PDIA5: variants seen among roughly 807,000 people sequenced by gnomAD.
PDIA5 encodes protein disulfide-isomerase A5.
Under a neutral mutation model 77.6 loss-of-function variants are expected in PDIA5, and 58 were observed. The ratio of observed to expected loss-of-function variants is 0.75; its 90% CI spans 0.61 to 0.93. The LOEUF is 0.93. Among genes scored for constraint, PDIA5 ranks in the 40% least tolerant of loss-of-function variants. The probability of loss-of-function intolerance (pLI) is 0.00; values close to 1 mark genes in which losing one functional copy is unlikely to be tolerated. For synonymous variants in PDIA5, 250 were observed against 252.1 expected, an observed-to-expected ratio of 0.99 and a Z score of 0.08; for missense variants, 630 against 647.7, an observed-to-expected ratio of 0.97 and a Z score of 0.30.
chr3:123,141,505 C>T (rs1283176205), intron 11 of PDIA5, among the ~76,000 whole-genome samples: 2 of 152,184 alleles, frequency 1.3e-5, no homozygotes, highest in African/African-American at 2.4e-5. Context: ...ATAGACTCAC[C>T]GCCACAGGAG....
At chr3:123,153,149 C>T (rs1935951462) in intron 14 of PDIA5, among the ~76,000 whole-genome samples, 1 of 152,120 alleles carries the variant, frequency 6.6e-6, no homozygotes, top group Non-Finnish European at 1.5e-5. Context: ...AATCTGAGGC[C>T]TAGATATTTT....
intron 1 of PDIA5, among the ~76,000 whole-genome samples, chr3:123,072,952 T>TGTGTGTGTGTGTGTGTGG (rs1560490999): frequency 9.6e-6 from 1 of 104,374 alleles, no homozygotes; most frequent in East Asian, 2.2e-4. Flanking sequence ...GTATGTGGTG[T>TGTGTGTGTGTGTGTGTGG]TGTTGTTTTT....
intron 1 of PDIA5, among the ~76,000 whole-genome samples, chr3:123,078,598 GC>G (rs1307531590): frequency 6.6e-6 from 1 of 151,836 alleles, no homozygotes; most frequent in Non-Finnish European, 1.5e-5. Context: ...ATGTTCCTTT[GC>G]CCCTTAAATA....
At chr3:123,140,020 C>T (rs145065609) in intron 11 of PDIA5, among the ~76,000 whole-genome samples, 19 of 152,142 alleles carry the variant, frequency 1.2e-4, no homozygotes, top group East Asian at 5.8e-4. Context: ...TAGCATGAGG[C>T]GCCTTTGGGA....
chr3:123,072,278 G>C (rs1292419001), intron 1 of PDIA5, among the ~76,000 whole-genome samples: 1 of 152,198 alleles, frequency 6.6e-6, no homozygotes, highest in Non-Finnish European at 1.5e-5. Flanking sequence ...CCCTGCCTCA[G>C]TTTTCTTGTT....
In PDIA5 at chr3:123,145,625, C is replaced by A. The variant is rs777934941; in HGVS notation, c.981+33C>A. The A allele has an allele frequency of 4.5e-6, 7 of 1,543,430 alleles. No individual in the cohort carries two copies. The East Asian group carries it at 1.3e-4, about 30-fold the overall frequency. On this transcript the variant is annotated intron_variant, in intron 12 of 16. Transcript: ENST00000316218. ...TCCTTTCCTTCCCCCTCACCGTTCT[C>A]TTTGAAAGAATCACTGACAGGTGGA... is the stretch of plus-strand genomic sequence containing the variant.
intron 1 of PDIA5, among the ~76,000 whole-genome samples, chr3:123,079,324 G>A (rs1417410694): frequency 6.6e-6 from 1 of 151,840 alleles, no homozygotes; most frequent in Non-Finnish European, 1.5e-5. Flanking sequence ...GGGACTACAG[G>A]CGCCCGCCAC....
intron 1 of PDIA5, among the ~76,000 whole-genome samples, chr3:123,087,937 C>T (rs150608069): frequency 6.6e-6 from 1 of 152,334 alleles, no homozygotes; most frequent in East Asian, 1.9e-4. Flanking sequence ...ATTCTCTAAT[C>T]TGTTGCCTGG....
At chr3:123,084,274 T>C (rs1934080402) in intron 1 of PDIA5, among the ~76,000 whole-genome samples, 1 of 152,144 alleles carries the variant, frequency 6.6e-6, no homozygotes, top group East Asian at 1.9e-4. Context: ...CTGGGTAGAC[T>C]TTCTCTCCTC....
At chr3:123,092,880 G>A (rs1243392148) in intron 3 of PDIA5, among the ~76,000 whole-genome samples, 1 of 152,096 alleles carries the variant, frequency 6.6e-6, no homozygotes, top group African/African-American at 2.4e-5. Flanking sequence ...ACCACTAGAC[G>A]CCTCTGCTGC....
At chr3:123,105,020 C>G (rs772628769) in intron 5 of PDIA5, among the ~76,000 whole-genome samples, 3 of 152,178 alleles carry the variant, frequency 2.0e-5, no homozygotes, top group Admixed American at 1.3e-4. Flanking sequence ...TCAGTTGTTA[C>G]GTTAAAAGGC....
At chr3:123,101,830 C>T (rs1421543735) in intron 3 of PDIA5, among the ~76,000 whole-genome samples, 2 of 151,218 alleles carry the variant, frequency 1.3e-5, no homozygotes, top group East Asian at 3.9e-4. Context: ...TTGTCTGGAC[C>T]TGTCTGTGTT....
intron 3 of PDIA5, among the ~76,000 whole-genome samples, chr3:123,095,615 G>C (rs1277002224): frequency 1.3e-5 from 2 of 152,062 alleles, no homozygotes; most frequent in African/African-American, 4.8e-5. Context: ...TGAGTGTGGT[G>C]GTGCATACCT....
At chr3:123,087,827 A>G (rs928724128) in intron 1 of PDIA5, among the ~76,000 whole-genome samples, 1 of 152,174 alleles carries the variant, frequency 6.6e-6, no homozygotes, top group South Asian at 2.1e-4. Flanking sequence ...AGAGCCTCAC[A>G]GTGGAGATTT....
At chr3:123,084,593 G>A (rs1934087398) in intron 1 of PDIA5, among the ~76,000 whole-genome samples, 1 of 152,004 alleles carries the variant, frequency 6.6e-6, no homozygotes. Context: ...ATGCCTCACT[G>A]TCTACCTGTC....
In PDIA5 at chr3:123,143,823, C is replaced by T. The variant is rs544872787; in HGVS notation, c.911-1699C>T. On this transcript the variant is annotated intron_variant, in intron 11 of 16. Coordinates refer to ENST00000316218, the MANE Select transcript of PDIA5 (RefSeq NM_006810.4). ...GCTGACATGTTGATGTGGCTAAGCA[C>T]TGTAGCCACTCCCTGGGCTGCATTC... Among the ~76,000 whole-genome samples the T allele has an allele frequency of 1.3e-3, 191 of 152,320 alleles. 1 individual carries two copies. The highest frequency in any genetic ancestry group is 4.5e-3 in the African/African-American group (185 of 41,570).
At chr3:123,160,128 A>G (rs1422328375) in intron 15 of PDIA5, among the ~76,000 whole-genome samples, 2 of 152,208 alleles carry the variant, frequency 1.3e-5, no homozygotes, top group African/African-American at 4.8e-5. Context: ...CCCAGCATCT[A>G]GAACAGGCTT....
intron 5 of PDIA5, among the ~76,000 whole-genome samples, chr3:123,105,356 C>T (rs1008099498): frequency 1.3e-5 from 2 of 152,224 alleles, no homozygotes; most frequent in Non-Finnish European, 2.9e-5. Flanking sequence ...ATCTTTCTCA[C>T]ATGGCCTGGT....
intron 1 of PDIA5, among the ~76,000 whole-genome samples, chr3:123,074,732 A>C (rs574339926): frequency 1.3e-5 from 2 of 152,354 alleles, no homozygotes; most frequent in Admixed American, 1.3e-4. Flanking sequence ...AAATGTAGAA[A>C]GCATTTATAC....
Sources: allele counts gnomAD v4.1 joint callset (sites outside exome capture counted in the v4.1 genomes callset), GRCh38; gene constraint gnomAD v4.1.1; transcripts MANE v1.5; gene names NCBI Gene and HGNC (gene_info 2026-07-23, HGNC 2026-07-21).